TUBB: variants seen among roughly 807,000 people sequenced by gnomAD.
TUBB encodes tubulin beta chain.
A neutral mutation model predicts 35.1 loss-of-function variants in TUBB; 2 were observed. That is an observed-to-expected ratio of 0.06 (90% CI 0.02 to 0.18). The LOEUF (loss-of-function observed/expected upper bound fraction) is 0.18, where lower values mean the gene tolerates loss of function less well. Among genes scored for constraint, TUBB ranks in the 10% least tolerant of loss-of-function variants. The pLI is 1.00. For missense variants in TUBB, 50 were observed against 599.4 expected, an observed-to-expected ratio of 0.08 and a Z score of 9.57; for synonymous variants, 205 against 223.8, an observed-to-expected ratio of 0.92 and a Z score of 0.75.
intron 2 of TUBB, 36 bp downstream of exon 2, chr6:30,722,681 C>T: frequency 3.3e-6 from 5 of 1,527,742 alleles, no homozygotes; most frequent in South Asian, 1.1e-5. Context: ...AGGTTCCCTT[C>T]CCTGTCTCCC....
At position 30,724,545 on chromosome 6, in the gene TUBB, ATAG is replaced by A; in HGVS notation, c.*152_*154del. 1 of 660,722 alleles carries A rather than the reference ATAG, an allele frequency of 1.5e-6. No individual in the cohort carries two copies. The highest frequency in any genetic ancestry group is 2.7e-5 in the East Asian group (1 of 36,502). 40.9% of individuals were successfully genotyped at this position (660,722 alleles called of 1,614,324 possible). A position where few individuals can be genotyped will look rare whatever the true frequency, so the allele number is the denominator to read the frequency against. On this transcript the variant is annotated 3_prime_UTR_variant, in exon 4 of 4. Coordinates refer to ENST00000327892, the MANE Select transcript of TUBB (RefSeq NM_178014.4). This position sits in a 1 kb window ranked among gnomAD's most constrained non-coding sequence, Gnocchi z 4.4. ...GGGGGTCTAGAACAGTGCCTGGCAC[ATAG>A]TAGGCGCTCAATAAATACTTGTTTG...
chr6:30,720,876 T>C (rs777544662), intron 1 of TUBB, among the ~76,000 whole-genome samples: 2 of 152,210 alleles, frequency 1.3e-5, no homozygotes, highest in African/African-American at 4.8e-5. Flanking sequence ...GGGAGAGAGA[T>C]GCGGAAACGG....
intron 2 of TUBB, 37 bp downstream of exon 2, chr6:30,722,682 C>T (rs1776366593): frequency 6.5e-7 from 1 of 1,531,150 alleles, no homozygotes; most frequent in Admixed American, 1.7e-5. Flanking sequence ...GGTTCCCTTC[C>T]CTGTCTCCCA....
In TUBB at chr6:30,721,940, ATCCTGGGCAACAAAGCGAGACCC is replaced by A. The variant is rs1427824967; in HGVS notation, c.58-593_58-571del. On this transcript the variant is annotated intron_variant, in intron 1 of 3. Coordinates refer to ENST00000327892, the MANE Select transcript of TUBB (RefSeq NM_178014.4). ...CCCTCCAGGTCAGGGGTTCGAGACC[ATCCTGGGCAACAAAGCGAGACCC>A]TCCCCCATGCCACGTTTCTACAAAA... 13 of 968,838 alleles carry A rather than the reference ATCCTGGGCAACAAAGCGAGACCC, an allele frequency of 1.3e-5. No homozygotes were observed. The East Asian group carries it at 9.2e-4, about 68-fold the overall frequency. The allele number at this position is 968,838 out of a possible 1,614,324, so 60.0% of individuals were successfully genotyped here.
chr6:30,723,200 T>C, intron 3 of TUBB, 140 bp from the exon 4 acceptor site: 5 of 926,636 alleles, frequency 5.4e-6, no homozygotes, highest in South Asian at 3.4e-5. Context: ...TGGTAAATTA[T>C]GGGGCAGTAG....
chr6:30,722,733 C>A (rs1776370740), intron 2 of TUBB, 88 bp downstream of exon 2: 1 of 1,260,622 alleles, frequency 7.9e-7, no homozygotes. Context: ...ACGCCTTATC[C>A]CCTTTGGGTG....
Position 30,724,851 on chromosome 6 carries a change from G to T in TUBB, c.*454G>T. 1 of 165,032 alleles carries T rather than the reference G, an allele frequency of 6.1e-6. No individual in the cohort carries two copies. Among genetic ancestry groups the T allele is most frequent in the Non-Finnish European group, 1.3e-5 (1 of 76,656 alleles). The allele number at this position is 165,032 out of a possible 1,614,324, so 10.2% of individuals were successfully genotyped here. A position where few individuals can be genotyped will look rare whatever the true frequency, so the allele number is the denominator to read the frequency against. ...GGGGATGGGATTTTCCATTCTAAAA[G>T]TTTTGGAGAGGGAAATCCAGGCTAT... is the stretch of plus-strand genomic sequence containing the variant. On this transcript the variant is annotated 3_prime_UTR_variant, in exon 4 of 4. Transcript: ENST00000327892. The surrounding 1 kb of genome is among the most constrained non-coding windows in gnomAD (Gnocchi z 4.4).
At chr6:30,721,605 G>GGGGT in intron 1 of TUBB, 2 of 985,436 alleles carry the variant, frequency 2.0e-6, no homozygotes, top group African/African-American at 1.7e-5. Context: ...GAGGGCGGGG[G>GGGGT]GGGTGGTCGA....
chr6:30,721,635 C>T (rs968672313), intron 1 of TUBB: 3 of 985,354 alleles, frequency 3.0e-6, no homozygotes, highest in African/African-American at 1.7e-5. Context: ...CAGCTCTTTC[C>T]TCAGACCCCC....
rs1443735673 is a variant in TUBB at position 30,720,390 on chromosome 6, G to A, written c.-117G>A. 2.0e-6 allele frequency: 2 copies of A among 989,906 alleles called. No homozygotes were observed. The highest frequency in any genetic ancestry group is 1.9e-5 in the Admixed American group (1 of 53,414). 61.3% of individuals were successfully genotyped at this position (989,906 alleles called of 1,614,324 possible). On this transcript the variant is annotated 5_prime_UTR_variant, in exon 1 of 4. Coordinates refer to ENST00000327892, the MANE Select transcript of TUBB (RefSeq NM_178014.4). The stretch of plus-strand genomic sequence containing the variant: ...CCTGCCGTCGCGTTTGCACCTCGCT[G>A]CTCCAGCCTCTGGGGCGCATTCCAA...
chr6:30,723,335 TC>T lies in TUBB; in HGVS notation c.278-3del, dbSNP rs1776422818. 1.3e-6 allele frequency: 2 copies of T among 1,596,796 alleles called. No homozygotes were observed. Among genetic ancestry groups the T allele is most frequent in the African/African-American group, 2.7e-5 (2 of 74,424 alleles). ...AATTGAGCTTTTCTCCTGACTGCAT[TC>T]CAGGTCAGTCTGGGGCAGGTAACAA... On this transcript the variant is annotated splice_polypyrimidine_tract_variant and splice_region_variant and intron_variant, in intron 3 of 3. Transcript: ENST00000327892.
At chr6:30,721,789 C>T (rs143849435) in intron 1 of TUBB, 13,620 of 985,242 alleles carry the variant, frequency 0.014, 130 homozygotes, top group Middle Eastern at 0.056. Context: ...CTGTGGCTTT[C>T]TCGGGGGAGC....
At chr6:30,722,451 TAAG>T in intron 1 of TUBB, 83 bp from the exon 2 acceptor site, 2 of 990,744 alleles carry the variant, frequency 2.0e-6, no homozygotes, top group Non-Finnish European at 3.1e-6. Context: ...CAAAAAAAAT[TAAG>T]AAAAAGATGA....
rs1347477196 is a variant in TUBB, at chr6:30,723,321, T to C, written c.278-19T>C. The C allele has an allele frequency of 1.9e-6, 3 of 1,574,124 alleles. No homozygotes were observed. The South Asian group carries it at 3.5e-5, about 18-fold the overall frequency. On this transcript the variant is annotated intron_variant, in intron 3 of 3. Coordinates refer to ENST00000327892, the MANE Select transcript of TUBB (RefSeq NM_178014.4). ...TTCCATACCCTGTTAATTGAGCTTT[T>C]CTCCTGACTGCATTCCAGGTCAGTC...
Position 30,724,679 on chromosome 6 carries a change from T to G in TUBB, c.*282T>G, listed in dbSNP as rs1776521482. The G allele has an allele frequency of 2.2e-6, 1 of 448,896 alleles. No individual in the cohort carries two copies. The highest frequency in any genetic ancestry group is 4.6e-5 in the South Asian group (1 of 21,944). The allele number at this position is 448,896 out of a possible 1,614,324, so 27.8% of individuals were successfully genotyped here. ...CCATTCCATTTGTCCAGTTAATACTTCCTCTTAAAAATCTCCAAGAAGCTG... is the reference window on the plus strand; with the variant it reads ...CCATTCCATTTGTCCAGTTAATACTGCCTCTTAAAAATCTCCAAGAAGCTG... On this transcript the variant is annotated 3_prime_UTR_variant, in exon 4 of 4. Coordinates refer to ENST00000327892, the MANE Select transcript of TUBB (RefSeq NM_178014.4). This position sits in a 1 kb window ranked among gnomAD's most constrained non-coding sequence, Gnocchi z 4.4.
chr6:30,723,114 G>C lies in TUBB; in HGVS notation c.277+86G>C, dbSNP rs1776407264. 3 of 1,192,348 alleles carry C rather than the reference G, an allele frequency of 2.5e-6. No homozygotes were observed. In the South Asian group the frequency reaches 4.0e-5, roughly 16 times the overall value. The allele number at this position is 1,192,348 out of a possible 1,614,324, so 73.9% of individuals were successfully genotyped here. A position where few individuals can be genotyped will look rare whatever the true frequency, so the allele number is the denominator to read the frequency against. ...AAGGACACAGCAAAAGTTAGGAGAT[G>C]ATTGTTGTATTGGAGTGCTAATACA... is the stretch of plus-strand genomic sequence containing the variant. On this transcript the variant is annotated intron_variant, in intron 3 of 3. Transcript: ENST00000327892.
intron 1 of TUBB, chr6:30,721,700 G>A: frequency 1.0e-6 from 1 of 985,444 alleles, no homozygotes; most frequent in Non-Finnish European, 1.2e-6. Context: ...AAGGAGAGCG[G>A]CGCTTATCGA....
rs1011958844 is a variant in TUBB at position 30,720,397 on chromosome 6, C to T, written c.-110C>T. 5.7e-6 allele frequency: 6 copies of T among 1,054,894 alleles called. No homozygotes were observed. The Admixed American group carries it at 7.3e-5, about 13-fold the overall frequency. The allele number at this position is 1,054,894 out of a possible 1,614,324, so 65.3% of individuals were successfully genotyped here. On this transcript the variant is annotated 5_prime_UTR_variant, in exon 1 of 4. Transcript: ENST00000327892. ...TCGCGTTTGCACCTCGCTGCTCCAGCCTCTGGGGCGCATTCCAACCTTCCA... is the reference window on the plus strand; with the variant it reads ...TCGCGTTTGCACCTCGCTGCTCCAGTCTCTGGGGCGCATTCCAACCTTCCA...
chr6:30,721,701 C>T (rs965518044), intron 1 of TUBB: 3 of 985,330 alleles, frequency 3.0e-6, no homozygotes, highest in East Asian at 1.1e-4. Flanking sequence ...AGGAGAGCGG[C>T]GCTTATCGAA....
Sources: gnomAD v4.1 joint callset for allele counts (sites outside exome capture counted in the v4.1 genomes callset) on GRCh38, gnomAD v4.1.1 for gene constraint, Gnocchi (gnomAD v3.1) non-coding constraint, MANE v1.5 for transcripts, NCBI Gene and HGNC (gene_info 2026-07-23, HGNC 2026-07-21) for gene names.